Variants in KLF12 observed in about 807,000 individuals in gnomAD.
KLF12 encodes the protein Krueppel-like factor 12.
Under a neutral mutation model 37.8 loss-of-function variants are expected in KLF12, and 9 were observed. The ratio of observed to expected loss-of-function variants is 0.24; its 90% CI spans 0.14 to 0.42. The LOEUF (loss-of-function observed/expected upper bound fraction) is 0.42, where lower values mean the gene tolerates loss of function less well. Ranked by LOEUF, KLF12 falls within the 10% of genes least tolerant of loss-of-function variation. The pLI is 1.00. For synonymous variants in KLF12, 208 were observed against 202.1 expected (o/e 1.03, Z -0.25); for missense variants, 411 against 516.0 (o/e 0.80, Z 1.97).
intron 6 of KLF12, among the ~76,000 whole-genome samples, chr13:73,751,562 A>G (rs1476043731): frequency 6.6e-6 from 1 of 152,014 alleles, no homozygotes; most frequent in African/African-American, 2.4e-5. Context: ...GGAATGCTGG[A>G]CTCATTTGAT....
intron 5 of KLF12, among the ~76,000 whole-genome samples, chr13:73,790,755 G>T (rs1881639496): frequency 6.6e-6 from 1 of 152,116 alleles, no homozygotes; most frequent in African/African-American, 2.4e-5. Flanking sequence ...CAGTCTAATG[G>T]GCAAGGAAGG....
chr13:73,976,425 A>G (rs562678366), intron 2 of KLF12, among the ~76,000 whole-genome samples: 1 of 152,128 alleles, frequency 6.6e-6, no homozygotes, highest in Non-Finnish European at 1.5e-5. Flanking sequence ...CTCAACAACA[A>G]TCATCAGTAT....
At chr13:73,698,202 G>A (rs1266501746) in intron 7 of KLF12, among the ~76,000 whole-genome samples, 1 of 151,680 alleles carries the variant, frequency 6.6e-6, no homozygotes, top group South Asian at 2.1e-4. Flanking sequence ...GGAGGGGAAA[G>A]GGAAGGAGGA....
At chr13:73,751,759 C>A (rs1441823423) in intron 6 of KLF12, among the ~76,000 whole-genome samples, 4 of 151,936 alleles carry the variant, frequency 2.6e-5, no homozygotes, top group Non-Finnish European at 5.9e-5. Flanking sequence ...GGAAAATGGG[C>A]CCTCATATAT....
the KLF12 span, among the ~76,000 whole-genome samples, chr13:74,262,903 G>A: frequency 1.3e-5 from 2 of 152,190 alleles, no homozygotes; most frequent in African/African-American, 4.8e-5. Context: ...TGACAAATAT[G>A]CATTCGTAAT....
intron 2 of KLF12, among the ~76,000 whole-genome samples, chr13:73,944,684 G>A (rs1440999761): frequency 1.3e-5 from 2 of 152,112 alleles, no homozygotes; most frequent in East Asian, 1.9e-4. Flanking sequence ...CAATTATTTG[G>A]TCTTTATTCT....
At chr13:74,180,962 G>A in the KLF12 span, among the ~76,000 whole-genome samples, 1 of 151,976 alleles carries the variant, frequency 6.6e-6, no homozygotes, top group East Asian at 1.9e-4. Context: ...ATTGTTTCAG[G>A]TCCTTTGATT....
intron 7 of KLF12, among the ~76,000 whole-genome samples, chr13:73,703,526 T>A (rs1170790944): frequency 6.6e-6 from 1 of 152,202 alleles, no homozygotes; most frequent in East Asian, 1.9e-4. Flanking sequence ...TTGGCTATCT[T>A]TTTCATTAGG....
chr13:73,900,453 T>A lies in KLF12; in HGVS notation c.123+43528A>T, dbSNP rs565600026. ...AACATGAGAATACATCCTGAATCTTTTAATACATTTTTTCAGTACATTATA... is the reference window on the plus strand; with the variant it reads ...AACATGAGAATACATCCTGAATCTTATAATACATTTTTTCAGTACATTATA... On this transcript the variant is annotated intron_variant, in intron 3 of 7. Coordinates refer to ENST00000377669, the MANE Select transcript of KLF12 (RefSeq NM_007249.5). 2.6e-5 allele frequency among the ~76,000 whole-genome samples: 4 copies of A among 152,316 alleles called. No individual in the cohort carries two copies. The East Asian group carries it at 7.7e-4, about 29-fold the overall frequency.
chr13:73,899,217 A>C (rs567705465), intron 3 of KLF12, among the ~76,000 whole-genome samples: 11 of 152,200 alleles, frequency 7.2e-5, no homozygotes, highest in African/African-American at 2.7e-4. Context: ...AATAAAAGCA[A>C]GCATGATCTA....
At chr13:74,041,374 G>A (rs1307411427) in intron 1 of KLF12, among the ~76,000 whole-genome samples, 1 of 152,164 alleles carries the variant, frequency 6.6e-6, no homozygotes, top group Non-Finnish European at 1.5e-5. Flanking sequence ...GTTCAGGGAT[G>A]AGTTTTATTT....
intron 2 of KLF12, among the ~76,000 whole-genome samples, chr13:73,961,715 A>C (rs553466878): frequency 5.9e-5 from 9 of 152,268 alleles, no homozygotes; most frequent in African/African-American, 1.9e-4. Flanking sequence ...CTTACCAAAC[A>C]AGACAAAGAT....
intron 1 of KLF12, among the ~76,000 whole-genome samples, chr13:74,018,018 T>C (rs950435027): frequency 1.3e-5 from 2 of 151,890 alleles, no homozygotes; most frequent in Non-Finnish European, 2.9e-5. Context: ...CATGGAAGAA[T>C]GTGATAAATT....
chr13:73,968,953 T>G (rs1013834002), intron 2 of KLF12, among the ~76,000 whole-genome samples: 1 of 152,040 alleles, frequency 6.6e-6, no homozygotes, highest in Admixed American at 6.6e-5. Flanking sequence ...TAACCTCCGT[T>G]TGGATTTCCC....
Position 73,901,832 on chromosome 13 carries a change from T to G in KLF12, c.123+42149A>C, listed in dbSNP as rs186706048. On this transcript the variant is annotated intron_variant, in intron 3 of 7. Coordinates refer to ENST00000377669, the MANE Select transcript of KLF12 (RefSeq NM_007249.5). Reference sequence around the variant, plus strand: ...CATTATATCAACCCAAACATGAATGTAATTTGAGAGTCATTAATTGAGGGT... The same window carrying G: ...CATTATATCAACCCAAACATGAATGGAATTTGAGAGTCATTAATTGAGGGT... 5.4e-4 allele frequency among the ~76,000 whole-genome samples: 83 copies of G among 152,312 alleles called. 1 individual carries two copies. The highest frequency in any genetic ancestry group is 1.9e-4 in the Non-Finnish European group (13 of 68,024).
chr13:74,047,348 T>A (rs907242081), intron 1 of KLF12, among the ~76,000 whole-genome samples: 2 of 151,886 alleles, frequency 1.3e-5, no homozygotes, highest in Non-Finnish European at 2.9e-5. Context: ...TCCCAGCATT[T>A]TGGGAGGCCG....
At chr13:73,923,359 CACTT>C (rs1889215366) in intron 3 of KLF12, among the ~76,000 whole-genome samples, 1 of 152,210 alleles carries the variant, frequency 6.6e-6, no homozygotes, top group Non-Finnish European at 1.5e-5. Context: ...ACCCATATCT[CACTT>C]ACTATACTTC....
chr13:74,135,050 C>T (rs1335176482), upstream of KLF12, among the ~76,000 whole-genome samples: 1 of 151,322 alleles, frequency 6.6e-6, no homozygotes, highest in Non-Finnish European at 1.5e-5. Flanking sequence ...CGGTGCCCCC[C>T]GCGCGCCGGT....
At chr13:73,786,883 C>A (rs1018934696) in intron 5 of KLF12, among the ~76,000 whole-genome samples, 2 of 152,198 alleles carry the variant, frequency 1.3e-5, no homozygotes, top group African/African-American at 4.8e-5. Flanking sequence ...TCTGATCACA[C>A]CGCTGCACTC....
Sources: allele counts gnomAD v4.1 joint callset (sites outside exome capture counted in the v4.1 genomes callset), GRCh38; gene constraint gnomAD v4.1.1; transcripts MANE v1.5; gene names NCBI Gene and HGNC (gene_info 2026-07-23, HGNC 2026-07-21).